Variants in RBFOX1 observed in about 807,000 individuals in gnomAD.
RBFOX1 encodes RNA binding fox-1 homolog 1.
Under a neutral mutation model 57.7 loss-of-function variants are expected in RBFOX1, and 8 were observed. That is an observed-to-expected ratio of 0.14 (90% CI 0.08 to 0.25). The LOEUF is 0.25. Among genes scored for constraint, RBFOX1 ranks in the 10% least tolerant of loss-of-function variants. The pLI is 1.00. For missense variants in RBFOX1, 611 were observed against 548.5 expected, an observed-to-expected ratio of 1.11 and a Z score of -1.14; for synonymous variants, 326 against 222.4, an observed-to-expected ratio of 1.47 and a Z score of -4.15.
chr16:7,495,810 TATTC>T (rs1344097606), intron 4 of RBFOX1, among the ~76,000 whole-genome samples: 5 of 152,194 alleles, frequency 3.3e-5, no homozygotes, highest in Admixed American at 6.5e-5. Context: ...CTAGAGAACT[TATTC>T]ATGTAAGCAA....
At chr16:7,249,574 A>G (rs925753361) in intron 4 of RBFOX1, among the ~76,000 whole-genome samples, 1 of 150,310 alleles carries the variant, frequency 6.7e-6, no homozygotes, top group African/African-American at 2.5e-5. Flanking sequence ...TATTATGAAA[A>G]TTTCCTTCTT....
chr16:6,807,692 T>C (rs1250839069), intron 3 of RBFOX1, among the ~76,000 whole-genome samples: 1 of 152,016 alleles, frequency 6.6e-6, no homozygotes, highest in Non-Finnish European at 1.5e-5. Context: ...GGCAGACGCC[T>C]GTAATCGGAG....
At chr16:5,601,025 CATCAAGTCTG>C (rs1256826904), downstream of RBFOX1, 1 of 152,220 alleles carries the variant, frequency 6.6e-6, no homozygotes, top group African/African-American at 2.4e-5. Flanking sequence ...TGCAGCTTCA[CATCAAGTCTG>C]TGAAGTATTC....
chr16:5,329,442 A>C (rs2064682887), intron 1 of RBFOX1, among the ~76,000 whole-genome samples: 1 of 152,086 alleles, frequency 6.6e-6, no homozygotes, highest in Non-Finnish European at 1.5e-5. Flanking sequence ...CAAGAACAGC[A>C]CCAAAGGGGA....
At chr16:6,020,083 G>A in intron 1 of RBFOX1, 91 bp downstream of exon 1, 1 of 1,310,646 alleles carries the variant, frequency 7.6e-7, no homozygotes, top group Non-Finnish European at 9.9e-7. Context: ...CTAGGTCCCC[G>A]AGAACTGGCC....
intron 4 of RBFOX1, among the ~76,000 whole-genome samples, chr16:7,081,421 A>C (rs1001782759): frequency 6.6e-6 from 1 of 152,196 alleles, no homozygotes; most frequent in Non-Finnish European, 1.5e-5. Flanking sequence ...AACTTTAGCT[A>C]TTATAACTTG....
chr16:5,801,686 G>C (rs961283820), intron 3 of RBFOX1, among the ~76,000 whole-genome samples: 3 of 152,180 alleles, frequency 2.0e-5, no homozygotes, highest in African/African-American at 7.2e-5. Context: ...AAGATGTAAT[G>C]GCAGGCACAA....
intron 3 of RBFOX1, among the ~76,000 whole-genome samples, chr16:5,764,579 G>C (rs987873745): frequency 6.6e-6 from 1 of 152,186 alleles, no homozygotes; most frequent in Non-Finnish European, 1.5e-5. Flanking sequence ...GAGCGCAATG[G>C]ATAGGGGAGG....
chr16:7,314,383 A>G (rs1159193939), intron 4 of RBFOX1, among the ~76,000 whole-genome samples: 1 of 152,200 alleles, frequency 6.6e-6, no homozygotes, highest in Non-Finnish European at 1.5e-5. Flanking sequence ...TGCTCAGTGC[A>G]GTGAAGACTG....
chr16:6,748,335 A>T (rs1008179360), intron 3 of RBFOX1, among the ~76,000 whole-genome samples: 2 of 152,098 alleles, frequency 1.3e-5, no homozygotes, highest in African/African-American at 4.8e-5. Context: ...ACATACACAT[A>T]TAACTATATA....
intron 3 of RBFOX1, among the ~76,000 whole-genome samples, chr16:6,702,461 G>A (rs1221570148): frequency 6.6e-6 from 1 of 152,124 alleles, no homozygotes; most frequent in African/African-American, 2.4e-5. Context: ...GGCTGAGGCA[G>A]GAGAATTGCT....
chr16:5,438,318 A>C (rs2151531474), intron 1 of RBFOX1, among the ~76,000 whole-genome samples: 1 of 152,308 alleles, frequency 6.6e-6, no homozygotes, highest in East Asian at 1.9e-4. Context: ...GGTAGGAAAG[A>C]GGGAGGATCT....
At chr16:6,032,594 C>G (rs749998233) in intron 1 of RBFOX1, among the ~76,000 whole-genome samples, 1 of 152,082 alleles carries the variant, frequency 6.6e-6, no homozygotes, top group Non-Finnish European at 1.5e-5. Flanking sequence ...AGAGCAGTGT[C>G]TGGAACAAAT....
chr16:7,630,605 A>C lies in RBFOX1; in HGVS notation c.679A>C (p.Thr227Pro). The change falls in exon 11 of 16, where the codon ACG becomes CCG. Residue 227 changes from threonine (T) to proline (P), a missense_variant and splice_region_variant. Around this residue, in one of 3 missense-constraint regions of RBFOX1, gnomAD observed 99 missense variants for 160.3 expected, o/e 0.62. Transcript: ENST00000550418. The stretch of plus-strand genomic sequence containing the variant: ...CCATCTCTCTCTCTCTTTCGTAGGC[A>C]CGGTCCTGTTGTGCCAGGCCAACCA... ...AVYSPEFYAGTVLLCQANQEG... is the reference protein window; with the variant it reads ...AVYSPEFYAGPVLLCQANQEG... The C allele has an allele frequency of 1.2e-6, 2 of 1,613,962 alleles. No homozygotes were observed. The highest frequency in any genetic ancestry group is 8.5e-7 in the Non-Finnish European group (1 of 1,180,006).
chr16:6,835,673 G>C (rs994056769), intron 3 of RBFOX1, among the ~76,000 whole-genome samples: 1 of 142,754 alleles, frequency 7.0e-6, no homozygotes, highest in East Asian at 2.1e-4. Context: ...AGAATAGCTT[G>C]AACCTCAGAG....
chr16:6,450,502 A>G (rs940274819), intron 2 of RBFOX1, among the ~76,000 whole-genome samples: 1 of 151,418 alleles, frequency 6.6e-6, no homozygotes, highest in African/African-American at 2.4e-5. Context: ...GATTGGTAGG[A>G]AAGCCAGCAG....
intron 3 of RBFOX1, among the ~76,000 whole-genome samples, chr16:6,694,200 T>C (rs2060681357): frequency 6.6e-6 from 1 of 152,216 alleles, no homozygotes; most frequent in African/African-American, 2.4e-5. Flanking sequence ...TTAGGGCAAC[T>C]TCTATTGCAT....
chr16:6,175,054 C>A (rs751167364), intron 1 of RBFOX1, among the ~76,000 whole-genome samples: 27 of 152,154 alleles, frequency 1.8e-4, no homozygotes, highest in Non-Finnish European at 3.4e-4. Context: ...ACGTATCTCC[C>A]AGAGTTGTTA....
intron 3 of RBFOX1, among the ~76,000 whole-genome samples, chr16:6,781,426 T>G (rs1437645626): frequency 6.6e-6 from 1 of 152,160 alleles, no homozygotes; most frequent in African/African-American, 2.4e-5. Context: ...GGCATTAGGA[T>G]AATCCTGATC....
Sources: allele counts gnomAD v4.1 joint callset (sites outside exome capture counted in the v4.1 genomes callset), GRCh38; gene constraint gnomAD v4.1.1; regional missense constraint gnomAD v4.1.1; transcripts MANE v1.5; gene names NCBI Gene and HGNC (gene_info 2026-07-23, HGNC 2026-07-21).